The following TRIQK variants were observed in gnomAD, a reference collection of about 807,000 sequenced individuals.
TRIQK encodes triple QxxK/R motif-containing protein.
In TRIQK, 10 loss-of-function variants were observed where a neutral mutation model predicts 10.8. That is an observed-to-expected ratio of 0.92 (90% CI 0.57 to 1.57). The LOEUF (loss-of-function observed/expected upper bound fraction) is 1.57. Ranked by LOEUF, TRIQK falls within the 40% of genes most tolerant of loss-of-function variation. TRIQK has a pLI of 0.00. For synonymous variants in TRIQK, 33 were observed against 33.7 expected, an observed-to-expected ratio of 0.98 and a Z score of 0.07; for missense variants, 107 against 97.7, an observed-to-expected ratio of 1.09 and a Z score of -0.40.
intron 3 of TRIQK, among the ~76,000 whole-genome samples, chr8:92,904,218 A>G (rs1282841657): frequency 6.6e-6 from 1 of 152,146 alleles, no homozygotes; most frequent in African/African-American, 2.4e-5. Flanking sequence ...TTTTGAATAC[A>G]TGGGCTCAAA....
At chr8:93,011,201 C>CATATATATAT (rs766474499) in intron 1 of TRIQK, among the ~76,000 whole-genome samples, 1 of 98,526 alleles carries the variant, frequency 1.0e-5, no homozygotes, top group African/African-American at 3.7e-5. Flanking sequence ...CACACACACA[C>CATATATATAT]ACACATATAT....
chr8:92,989,092 T>G (rs1813067819), intron 1 of TRIQK, among the ~76,000 whole-genome samples: 1 of 150,732 alleles, frequency 6.6e-6, no homozygotes, highest in Non-Finnish European at 1.5e-5. Flanking sequence ...ATTTAATATG[T>G]GATAAAGATA....
intron 1 of TRIQK, among the ~76,000 whole-genome samples, chr8:92,998,807 A>G (rs917512004): frequency 2.6e-5 from 4 of 152,114 alleles, no homozygotes; most frequent in African/African-American, 9.6e-5. Context: ...CAAATAAGAC[A>G]ACATTTCCAG....
intron 2 of TRIQK, among the ~76,000 whole-genome samples, chr8:92,933,975 A>T (rs1810858933): frequency 6.6e-6 from 1 of 152,102 alleles, no homozygotes; most frequent in African/African-American, 2.4e-5. Context: ...AAATTCAACA[A>T]AAAAATCCTT....
intron 1 of TRIQK, chr8:92,972,452 G>A (rs1388191513): frequency 2.0e-5 from 3 of 152,056 alleles, no homozygotes; most frequent in Admixed American, 2.0e-4. Flanking sequence ...TATTCTAGAG[G>A]TAACAATCTA....
chr8:92,992,090 T>C (rs1211611494), intron 1 of TRIQK, among the ~76,000 whole-genome samples: 1 of 152,050 alleles, frequency 6.6e-6, no homozygotes, highest in East Asian at 1.9e-4. Context: ...ATTGGGAGCA[T>C]TGCAAAAGAC....
rs143271565 is a variant in TRIQK at position 92,938,230 on chromosome 8, T to C, written c.-22+16176A>G. 2.7e-4 allele frequency among the ~76,000 whole-genome samples: 41 copies of C among 152,144 alleles called. No individual in the cohort carries two copies. The East Asian group carries it at 7.1e-3, about 26-fold the overall frequency. ...TTTTGTGGAACAGTCTTCAAACTTA[T>C]CTTTAGGTTTACCTTTTTATATTTT... On this transcript the variant is annotated intron_variant, in intron 2 of 4. Coordinates refer to ENST00000521988, the MANE Select transcript of TRIQK (RefSeq NM_001171797.2).
At chr8:92,999,693 A>G (rs1813188452) in intron 1 of TRIQK, among the ~76,000 whole-genome samples, 1 of 152,204 alleles carries the variant, frequency 6.6e-6, no homozygotes, top group African/African-American at 2.4e-5. Flanking sequence ...TTAAAGTAAT[A>G]TAAATAATTT....
intron 1 of TRIQK, among the ~76,000 whole-genome samples, chr8:92,957,489 T>A (rs1812233629): frequency 6.6e-6 from 1 of 151,786 alleles, no homozygotes; most frequent in African/African-American, 2.4e-5. Flanking sequence ...TAAATCAAGG[T>A]TCAAAGGGGA....
At chr8:93,015,047 C>G (rs907292360) in intron 1 of TRIQK, among the ~76,000 whole-genome samples, 2 of 151,970 alleles carry the variant, frequency 1.3e-5, no homozygotes, top group African/African-American at 4.8e-5. Flanking sequence ...TTAACTGTAA[C>G]TGCTTGACCT....
chr8:92,944,903 G>A (rs375663461), intron 2 of TRIQK, among the ~76,000 whole-genome samples: 14 of 151,998 alleles, frequency 9.2e-5, no homozygotes, highest in East Asian at 3.9e-4. Flanking sequence ...TGGATATGCC[G>A]GCTAAATGCC....
At chr8:92,937,818 T>C (rs1811069784) in intron 2 of TRIQK, among the ~76,000 whole-genome samples, 1 of 151,942 alleles carries the variant, frequency 6.6e-6, no homozygotes, top group Non-Finnish European at 1.5e-5. Flanking sequence ...CTTTGGGATA[T>C]TATTGTCATA....
At chr8:92,930,140 G>A (rs550853275) in intron 2 of TRIQK, among the ~76,000 whole-genome samples, 3 of 151,588 alleles carry the variant, frequency 2.0e-5, no homozygotes, top group Admixed American at 6.6e-5. Context: ...CACTTTGGGA[G>A]GCCAAGGCGG....
chr8:92,930,179 A>G (rs1035453910), intron 2 of TRIQK, among the ~76,000 whole-genome samples: 4 of 151,630 alleles, frequency 2.6e-5, no homozygotes. Flanking sequence ...GGAGTTTGAT[A>G]TCAGCCTGGC....
chr8:92,957,085 C>G (rs1812205277), intron 1 of TRIQK, among the ~76,000 whole-genome samples: 1 of 151,758 alleles, frequency 6.6e-6, no homozygotes, highest in Admixed American at 6.6e-5. Flanking sequence ...GGGAAAGTAG[C>G]AGAGATTAGA....
At chr8:93,007,240 A>G (rs1189539835) in intron 1 of TRIQK, among the ~76,000 whole-genome samples, 1 of 152,156 alleles carries the variant, frequency 6.6e-6, no homozygotes, top group Non-Finnish European at 1.5e-5. Flanking sequence ...TCCCCAGCAA[A>G]CTGCAGCAGC....
At chr8:92,923,991 A>G (rs1810315507) in intron 2 of TRIQK, among the ~76,000 whole-genome samples, 1 of 152,002 alleles carries the variant, frequency 6.6e-6, no homozygotes, top group South Asian at 2.1e-4. Context: ...ATTTAAATAC[A>G]TATCAAAACA....
At chr8:93,016,993 G>A (rs1216862952) in intron 1 of TRIQK, among the ~76,000 whole-genome samples, 1 of 151,854 alleles carries the variant, frequency 6.6e-6, no homozygotes, top group Non-Finnish European at 1.5e-5. Context: ...AAATTCAACG[G>A]AAAAAACAAG....
chr8:92,962,230 T>C (rs1341520457), intron 1 of TRIQK, among the ~76,000 whole-genome samples: 3 of 152,226 alleles, frequency 2.0e-5, no homozygotes, highest in Non-Finnish European at 4.4e-5. Flanking sequence ...TAGTATTATT[T>C]TAGTCACTCT....
Sources: allele counts gnomAD v4.1 joint callset (sites outside exome capture counted in the v4.1 genomes callset), GRCh38; gene constraint gnomAD v4.1.1; transcripts MANE v1.5; gene names NCBI Gene and HGNC (gene_info 2026-07-23, HGNC 2026-07-21).